Variants in TONSL observed in about 807,000 individuals in gnomAD.
The protein encoded by TONSL is tonsoku-like protein.
In TONSL, 112 loss-of-function variants were observed where a neutral mutation model predicts 147.1. The ratio of observed to expected loss-of-function variants is 0.76; its 90% CI spans 0.65 to 0.89. The LOEUF is 0.89. Among genes scored for constraint, TONSL ranks in the 40% least tolerant of loss-of-function variants. TONSL has a pLI of 0.00. For missense variants in TONSL, 1,883 were observed against 1,864.6 expected, an observed-to-expected ratio of 1.01 and a Z score of -0.18; for synonymous variants, 868 against 801.5, an observed-to-expected ratio of 1.08 and a Z score of -1.40.
Position 144,442,124 on chromosome 8 carries a change from C to G in TONSL, c.778G>C (p.Ala260Pro), listed in dbSNP as rs1693303862. 1.2e-6 allele frequency: 2 copies of G among 1,612,156 alleles called. No individual in the cohort carries two copies. Among genetic ancestry groups the G allele is most frequent in the Non-Finnish European group, 8.5e-7 (1 of 1,179,668 alleles). Residue 260 changes from alanine to proline, a missense_variant, in exon 7 of 26, where the codon GCT becomes CCT. Transcript: ENST00000409379. ...GCCTTCTTCAGGGCTCGCTTGGCAG[C>G]CAAAAAGTCTCCCAGGTCTTGGAGG... ...QVLQDLGDFLAAKRALKKAYR... is the reference protein window; with the variant it reads ...QVLQDLGDFLPAKRALKKAYR...
chr8:144,436,859 G>A lies in TONSL; in HGVS notation c.1788C>T (p.Cys596=), dbSNP rs750764114. The A allele has an allele frequency of 3.1e-6, 5 of 1,610,072 alleles. No homozygotes were observed. Among genetic ancestry groups the A allele is most frequent in the Admixed American group, 1.7e-5 (1 of 60,016 alleles). ...CATCGTGGAGGGGGGTGATGCCTTC[G>A]CAGCCCTGGCCACCTGGGTCGTCCA... The part of the protein sequence containing the change: ...AAVDDPGGQG[C]EGITPLHDAL... Residue 596 remains cysteine, a synonymous_variant, in exon 15 of 26, where the codon TGC becomes TGT. Coordinates refer to ENST00000409379, the MANE Select transcript of TONSL (RefSeq NM_013432.5).
At chr8:144,433,882 G>A in intron 21 of TONSL, 96 bp downstream of exon 21, 2 of 1,465,558 alleles carry the variant, frequency 1.4e-6, no homozygotes, top group African/African-American at 1.4e-5. Context: ...CCGGGCACTG[G>A]CTGGCTCTCC....
chr8:144,431,362 C>T (rs545471123), intron 23 of TONSL, among the ~76,000 whole-genome samples: 2 of 152,152 alleles, frequency 1.3e-5, no homozygotes, highest in Non-Finnish European at 2.9e-5. Context: ...TGGAAGACCC[C>T]CCAGGAGAGA....
rs1052374304 is a variant in TONSL, at chr8:144,444,410, C to A, written c.5G>T (p.Ser2Ile). Residue 2 changes from serine to isoleucine, a missense_variant, in exon 1 of 26, where the codon AGC becomes ATC. Physicochemically the swap from Ser to Ile is moderately radical, Grantham distance 142 (BLOSUM62 -2). Transcript: ENST00000409379. M[S>I]LERELRQLSK... ...CTTACGGCGAAGCTCGCGCTCCAGGCTCATGCTCGGATCGCCGCGGGATCC... is the reference window on the plus strand; with the variant it reads ...CTTACGGCGAAGCTCGCGCTCCAGGATCATGCTCGGATCGCCGCGGGATCC... 59 of 1,241,732 alleles carry A rather than the reference C, an allele frequency of 4.8e-5. 1 individual carries two copies. The highest frequency in any genetic ancestry group is 6.0e-4 in the Middle Eastern group (2 of 3,342). 76.9% of individuals were successfully genotyped at this position (1,241,732 alleles called of 1,614,324 possible).
chr8:144,433,675 A>G lies in TONSL; in HGVS notation c.3472T>C (p.Leu1158=). 6.2e-7 allele frequency: 1 copy of G among 1,613,066 alleles called. No homozygotes were observed. The highest frequency in any genetic ancestry group is 8.5e-7 in the Non-Finnish European group (1 of 1,179,898). The part of the protein sequence containing the change: ...SLASLLHACP[L]LSTLRLQACG... ...GCCTGCAGGCGCAGGGTGCTGAGTA[A>G]GGGGCAGGCGTGCAGGAGGGAGGCC... is the stretch of plus-strand genomic sequence containing the variant. The change falls in exon 22 of 26, where the codon TTA becomes CTA. Residue 1158 remains leucine (L), a synonymous_variant. Transcript: ENST00000409379.
intron 11 of TONSL, among the ~76,000 whole-genome samples, chr8:144,439,221 C>T (rs992039072): frequency 2.6e-5 from 4 of 152,154 alleles, no homozygotes; most frequent in South Asian, 4.1e-4. Context: ...CACCCGCCTC[C>T]GTCCCTGCTT....
intron 19 of TONSL, 21 bp from the exon 20 acceptor site, chr8:144,434,910 C>G (rs1823372385): frequency 3.7e-6 from 6 of 1,612,828 alleles, no homozygotes; most frequent in South Asian, 3.3e-5. Flanking sequence ...CCGTCATGAG[C>G]CACCTGGGGG....
chr8:144,437,612 G>GT (rs1328878549), intron 13 of TONSL: 64 of 154,008 alleles, frequency 4.2e-4, no homozygotes, highest in Admixed American at 1.3e-3. Flanking sequence ...ATTTTTTTGT[G>GT]TTTTTTTTTG....
At chr8:144,429,359 C>T in intron 25 of TONSL, 23 bp from the exon 26 acceptor site, 1 of 1,387,368 alleles carries the variant, frequency 7.2e-7, no homozygotes, top group Non-Finnish European at 9.3e-7. Flanking sequence ...AGAGGGCAGA[C>T]CTCAGCGCTG....
chr8:144,429,204 C>A lies in TONSL; in HGVS notation c.4076G>T (p.Arg1359Leu). The A allele has an allele frequency of 6.5e-7, 1 of 1,534,952 alleles. No individual in the cohort carries two copies. The highest frequency in any genetic ancestry group is 1.2e-5 in the South Asian group (1 of 83,756). Residue 1359 changes from arginine to leucine, a missense_variant, in exon 26 of 26, where the codon CGG becomes CTG. Arg to Leu is a moderately radical substitution (Grantham distance 102). Transcript: ENST00000409379. ...RDALRQLQPS[R>L]PGPGECTLDH... ...CAGCGTGCACTCGCCGGGGCCCGGC[C>A]GACTGGGCTGCAGCTGGCGCAGGGC...
rs1427423049 is a variant in TONSL, at chr8:144,436,270, C to A, written c.2163G>T (p.Gly721=). 2 of 1,519,330 alleles carry A rather than the reference C, an allele frequency of 1.3e-6. No homozygotes were observed. Among genetic ancestry groups the A allele is most frequent in the East Asian group, 2.3e-5 (1 of 44,078 alleles). 94.1% of individuals were successfully genotyped at this position (1,519,330 alleles called of 1,614,324 possible). ...ASQAHVRVSP[G]QAAPAMARPR... The stretch of plus-strand genomic sequence containing the variant: ...GCCTGGCCATGGCTGGTGCCGCCTG[C>A]CCTGGGGAGACCCTGACATGGGCCT... The change falls in exon 17 of 26, where the codon GGG becomes GGT. Residue 721 remains glycine, a synonymous_variant. Transcript: ENST00000409379.
chr8:144,442,388 T>C lies in TONSL; in HGVS notation c.603A>G (p.Leu201=). 6.4e-7 allele frequency: 1 copy of C among 1,562,152 alleles called. No individual in the cohort carries two copies. The highest frequency in any genetic ancestry group is 8.7e-7 in the Non-Finnish European group (1 of 1,150,998). ...LAEQNHLYED[L]FRARYNLGTI... ...TGCCCAGGTTGTAGCGGGCGCGGAA[T>C]AGGTCCTCGTAAAGGTGGTTCTGCC... The change falls in exon 6 of 26, where the codon CTA becomes CTG. Residue 201 remains leucine, a synonymous_variant. Transcript: ENST00000409379.
rs770057968 is a variant in TONSL at position 144,438,464 on chromosome 8, G to A, written c.1653+7C>T. Reference sequence around the variant, plus strand: ...CAGCCTGTCCCACGTCCCAGAGCGGGGCCCACCTGCCTCACAAGGTCCTGG... The same window carrying A: ...CAGCCTGTCCCACGTCCCAGAGCGGAGCCCACCTGCCTCACAAGGTCCTGG... On this transcript the variant is annotated splice_region_variant and intron_variant, in intron 13 of 25. Transcript: ENST00000409379. 1.9e-6 allele frequency: 3 copies of A among 1,611,896 alleles called. No homozygotes were observed. The South Asian group carries it at 3.3e-5, about 18-fold the overall frequency.
At chr8:144,436,500 G>T in intron 16 of TONSL, 58 bp downstream of exon 16, 1 of 1,580,946 alleles carries the variant, frequency 6.3e-7, no homozygotes. Context: ...CGAAATCAGG[G>T]CCCGGGGACT....
In TONSL at chr8:144,440,156, CCT is replaced by C; in HGVS notation, c.1343_1344del (p.Glu448GlyfsTer3). On this transcript the variant is annotated frameshift_variant, in exon 11 of 26. Transcript: ENST00000409379. LOFTEE classifies it high-confidence loss of function. ...CGTAGTCTGGTTTCGGTCTCAGGGG[CCT>C]CCTGGGGCTGCAGCCTCAGCTGCAC... is the stretch of plus-strand genomic sequence containing the variant. Reference protein sequence around the residue: ...HTVQLRLQPQEAPETETRLRE... With the variant: ...HTVQLRLQPQXAPETETRLRE... 1.9e-6 allele frequency: 3 copies of C among 1,611,266 alleles called. No individual in the cohort carries two copies. Among genetic ancestry groups the C allele is most frequent in the Non-Finnish European group, 2.5e-6 (3 of 1,179,404 alleles).
At position 144,429,139 on chromosome 8, in the gene TONSL, A is replaced by G. The variant is rs1554877893; in HGVS notation, c.*4T>C. 5 of 1,519,536 alleles carry G rather than the reference A, an allele frequency of 3.3e-6. No homozygotes were observed. Among genetic ancestry groups the G allele is most frequent in the Non-Finnish European group, 4.4e-6 (5 of 1,139,192 alleles). The allele number at this position is 1,519,536 out of a possible 1,614,324, so 94.1% of individuals were successfully genotyped here. A position where few individuals can be genotyped will look rare whatever the true frequency, so the allele number is the denominator to read the frequency against. On this transcript the variant is annotated 3_prime_UTR_variant, in exon 26 of 26. Coordinates refer to ENST00000409379, the MANE Select transcript of TONSL (RefSeq NM_013432.5). Reference sequence around the variant, plus strand: ...GGTGAGGGTGGGGAAAGGCAGCGCCAGGGTCAGAGGCGCCGAAAGAAGAGC... The same window carrying G: ...GGTGAGGGTGGGGAAAGGCAGCGCCGGGGTCAGAGGCGCCGAAAGAAGAGC...
intron 2 of TONSL, 30 bp downstream of exon 2, chr8:144,444,139 GGCCCCGGCCCT>G (rs2129705438): frequency 7.4e-7 from 1 of 1,347,922 alleles, no homozygotes; most frequent in African/African-American, 1.5e-5. Flanking sequence ...CCCGGGCCCG[GGCCCCGGCCCT>G]GCCTCCCGCC....
Position 144,434,123 on chromosome 8 carries a change from C to A in TONSL, c.3242G>T (p.Arg1081Leu), listed in dbSNP as rs782604369. The change falls in exon 21 of 26, where the codon CGG becomes CTG. Residue 1081 changes from arginine to leucine, a missense_variant. Physicochemically the swap from Arg to Leu is moderately radical, Grantham distance 102. Coordinates refer to ENST00000409379, the MANE Select transcript of TONSL (RefSeq NM_013432.5). Reference protein sequence around the residue: ...ALRELRLAGNRLGDKCVAELV... With the variant: ...ALRELRLAGNLLGDKCVAELV... ...CTCAGCCACACACTTGTCCCCCAGC[C>A]GGTTCCCTGCCAGGCGCAGCTCCCG... is the stretch of plus-strand genomic sequence containing the variant. 6.2e-7 allele frequency: 1 copy of A among 1,612,132 alleles called. No individual in the cohort carries two copies.
chr8:144,440,687 C>A, intron 9 of TONSL, 31 bp downstream of exon 9: 3 of 1,600,412 alleles, frequency 1.9e-6, no homozygotes, highest in Non-Finnish European at 2.6e-6. Flanking sequence ...CATGGGTGAA[C>A]CTGCATTCGG....
Sources: gnomAD v4.1 joint callset for allele counts (sites outside exome capture counted in the v4.1 genomes callset) on GRCh38, gnomAD v4.1.1 for gene constraint, MANE v1.5 for transcripts, NCBI Gene and HGNC (gene_info 2026-07-23, HGNC 2026-07-21) for gene names.